The following GRM5 variants were observed in gnomAD, a reference collection of about 807,000 sequenced individuals.
GRM5 encodes glutamate metabotropic receptor 5, also known as metabotropic glutamate receptor 5.
A neutral mutation model predicts 83.1 loss-of-function variants in GRM5; 19 were observed. That is an observed-to-expected ratio of 0.23 (90% CI 0.16 to 0.34). The LOEUF (loss-of-function observed/expected upper bound fraction) is 0.34. GRM5 is among the 10% of genes least tolerant of loss of function. GRM5 has a pLI of 1.00. For missense variants in GRM5, 1,160 were observed against 1,588.3 expected (o/e 0.73, Z 4.58); for synonymous variants, 675 against 633.6 (o/e 1.07, Z -0.98).
intron 2 of GRM5, among the ~76,000 whole-genome samples, chr11:88,933,585 T>C (rs1937791618): frequency 6.6e-6 from 1 of 151,866 alleles, no homozygotes; most frequent in Non-Finnish European, 1.5e-5. Context: ...ATGTCACATA[T>C]TCAATTTAGT....
chr11:88,731,058 T>C (rs1041657931), intron 3 of GRM5, among the ~76,000 whole-genome samples: 17 of 152,094 alleles, frequency 1.1e-4, no homozygotes, highest in Non-Finnish European at 2.5e-4. Context: ...GTAGTTACTA[T>C]GAATTAAGAG....
At chr11:88,907,314 G>A (rs559855211) in intron 2 of GRM5, among the ~76,000 whole-genome samples, 2 of 152,094 alleles carry the variant, frequency 1.3e-5, no homozygotes, top group Non-Finnish European at 2.9e-5. Flanking sequence ...ACACTCTAGT[G>A]TCCCACAGAG....
chr11:88,597,110 T>C, intron 6 of GRM5, 74 bp downstream of exon 6: 1 of 955,808 alleles, frequency 1.0e-6, no homozygotes, highest in African/African-American at 1.7e-5. Flanking sequence ...GTCTAAAATT[T>C]TTAAAAATAG....
chr11:89,064,888 C>CTCTCTCTCTCTGTGTG (rs1218318990), intron 1 of GRM5, among the ~76,000 whole-genome samples: 7 of 62,210 alleles, frequency 1.1e-4, no homozygotes, highest in African/African-American at 4.8e-4. Flanking sequence ...CTCTCTCTCT[C>CTCTCTCTCTCTGTGTG]TGTGTGTGTG....
intron 3 of GRM5, among the ~76,000 whole-genome samples, chr11:88,814,499 T>C (rs1219567121): frequency 1.3e-5 from 2 of 151,608 alleles, no homozygotes; most frequent in Admixed American, 1.3e-4. Context: ...TAAATCTAAG[T>C]AGGAAGTCTT....
intron 3 of GRM5, among the ~76,000 whole-genome samples, chr11:88,712,591 G>A (rs1242207009): frequency 6.6e-6 from 1 of 151,972 alleles, no homozygotes; most frequent in Non-Finnish European, 1.5e-5. Flanking sequence ...AATTATAGTA[G>A]AGGCAACTCA....
intron 7 of GRM5, among the ~76,000 whole-genome samples, chr11:88,587,118 T>A (rs192177018): frequency 4.3e-4 from 66 of 152,182 alleles, no homozygotes; most frequent in African/African-American, 1.5e-3. Flanking sequence ...TCAGTAGGAG[T>A]GGCAGATATG....
At chr11:88,774,594 A>G (rs1591506119) in intron 3 of GRM5, among the ~76,000 whole-genome samples, 2 of 151,648 alleles carry the variant, frequency 1.3e-5, no homozygotes, top group African/African-American at 4.8e-5. Flanking sequence ...GTTTGTCATA[A>G]ATAGCTCTTA....
chr11:88,975,666 C>A (rs1453699220), intron 2 of GRM5, among the ~76,000 whole-genome samples: 13 of 152,154 alleles, frequency 8.5e-5, no homozygotes, highest in Admixed American at 7.9e-4. Flanking sequence ...TCAGAAACTG[C>A]CTTTTAACAT....
intron 3 of GRM5, among the ~76,000 whole-genome samples, chr11:88,713,852 A>C (rs1941339630): frequency 6.6e-6 from 1 of 152,128 alleles, no homozygotes; most frequent in East Asian, 1.9e-4. Flanking sequence ...GGAATTTCCC[A>C]AAATTTTGAT....
intron 2 of GRM5, among the ~76,000 whole-genome samples, chr11:88,928,466 A>ATATATATATATATATGTATATATG (rs1565296260): frequency 3.2e-5 from 3 of 93,678 alleles, no homozygotes; most frequent in Non-Finnish European, 7.8e-5. Context: ...GTGTGTGTGT[A>ATATATATATATATATGTATATATG]TATATATATA....
intron 3 of GRM5, among the ~76,000 whole-genome samples, chr11:88,816,274 C>T (rs1477411669): frequency 7.0e-6 from 1 of 143,340 alleles, no homozygotes; most frequent in Non-Finnish European, 1.5e-5. Context: ...GGTGCAGTGG[C>T]TCATGCCTGT....
Position 88,514,276 on chromosome 11 carries a change from ATTAAG to A in GRM5, c.2727-4777_2727-4773del, listed in dbSNP as rs1322710840. On this transcript the variant is annotated intron_variant, in intron 9 of 9. Coordinates refer to ENST00000305447, the MANE Select transcript of GRM5 (RefSeq NM_001143831.3). ...AGCATATCAATAATGTTATTTGAGG[ATTAAG>A]TTTTTTGTTTATTTGTTTCATTAGT... 2.6e-5 allele frequency among the ~76,000 whole-genome samples: 4 copies of A among 152,150 alleles called. 1 individual carries two copies. Among genetic ancestry groups the A allele is most frequent in the African/African-American group, 9.6e-5 (4 of 41,452 alleles).
intron 5 of GRM5, among the ~76,000 whole-genome samples, chr11:88,602,133 C>T (rs192601849): frequency 6.6e-6 from 1 of 151,608 alleles, no homozygotes; most frequent in East Asian, 1.9e-4. Context: ...TGAACTTTAT[C>T]TAGGGATGAA....
chr11:88,522,603 C>CTCTCTGTGTG (rs1206475339), intron 9 of GRM5, among the ~76,000 whole-genome samples: 15 of 127,294 alleles, frequency 1.2e-4, no homozygotes, highest in South Asian at 8.6e-4. Context: ...CTCTCTCTCT[C>CTCTCTGTGTG]TGTGTGTGTG....
At chr11:88,742,244 C>T (rs1262735136) in intron 3 of GRM5, among the ~76,000 whole-genome samples, 1 of 151,778 alleles carries the variant, frequency 6.6e-6, no homozygotes, top group African/African-American at 2.4e-5. Flanking sequence ...TTGCATAATA[C>T]TTTATAAAGC....
chr11:88,538,966 AT>A (rs546202176), intron 8 of GRM5, among the ~76,000 whole-genome samples: 22 of 152,246 alleles, frequency 1.4e-4, no homozygotes, highest in Admixed American at 4.6e-4. Flanking sequence ...TAACTGTACT[AT>A]TTTTCAAACC....
chr11:88,637,305 G>C (rs1939158266), intron 4 of GRM5, among the ~76,000 whole-genome samples: 1 of 151,696 alleles, frequency 6.6e-6, no homozygotes, highest in Admixed American at 6.6e-5. Flanking sequence ...TTGACAAATG[G>C]GATCTAATTA....
chr11:88,527,870 A>G (rs1460369099), intron 8 of GRM5, among the ~76,000 whole-genome samples: 1 of 152,098 alleles, frequency 6.6e-6, no homozygotes, highest in Non-Finnish European at 1.5e-5. Context: ...TCATTTATCA[A>G]TGGGAGCTTA....
Sources: allele counts gnomAD v4.1 joint callset (sites outside exome capture counted in the v4.1 genomes callset), GRCh38; gene constraint gnomAD v4.1.1; transcripts MANE v1.5; gene names NCBI Gene and HGNC (gene_info 2026-07-23, HGNC 2026-07-21).